Variants in OXR1 observed in about 807,000 individuals in gnomAD.
The protein encoded by OXR1 is oxidation resistance 1, also known as oxidation resistance protein 1.
Under a neutral mutation model 104.6 loss-of-function variants are expected in OXR1, and 41 were observed. The ratio of observed to expected loss-of-function variants is 0.39; its 90% CI spans 0.31 to 0.51. OXR1 has a LOEUF of 0.51. Ranked by LOEUF, OXR1 falls within the 20% of genes least tolerant of loss-of-function variation. The pLI is 0.77. For missense variants in OXR1, 955 were observed against 1,031.9 expected (o/e 0.93, Z 1.02); for synonymous variants, 348 against 348.4 (o/e 1.00, Z 0.01).
intron 3 of OXR1, among the ~76,000 whole-genome samples, chr8:106,671,330 C>A (rs186393716): frequency 2.0e-5 from 3 of 152,058 alleles, no homozygotes; most frequent in African/African-American, 7.2e-5. Flanking sequence ...CCCAGAGATA[C>A]AATAATAATC....
chr8:106,482,754 A>C (rs1203885047), intron 2 of OXR1, among the ~76,000 whole-genome samples: 5 of 151,960 alleles, frequency 3.3e-5, no homozygotes. Context: ...ATTTCTTTTC[A>C]CTCATTTTGA....
At chr8:106,608,393 A>G (rs1375800364) in intron 3 of OXR1, among the ~76,000 whole-genome samples, 1 of 152,108 alleles carries the variant, frequency 6.6e-6, no homozygotes, top group African/African-American at 2.4e-5. Context: ...AAATCTTTCA[A>G]TGGCCTAATG....
chr8:106,464,008 G>A (rs1349074362), intron 2 of OXR1, among the ~76,000 whole-genome samples: 1 of 151,816 alleles, frequency 6.6e-6, no homozygotes, highest in Non-Finnish European at 1.5e-5. Flanking sequence ...TAGTTATAGG[G>A]TCTCATCTAT....
chr8:106,735,791 TG>T, intron 11 of OXR1, among the ~76,000 whole-genome samples: 1 of 152,262 alleles, frequency 6.6e-6, no homozygotes, highest in South Asian at 2.1e-4. Flanking sequence ...GAAATCCTAT[TG>T]TTCTTAATTG....
At chr8:106,352,777 G>GTAGA (rs893177163) in intron 1 of OXR1, among the ~76,000 whole-genome samples, 1 of 152,176 alleles carries the variant, frequency 6.6e-6, no homozygotes, top group African/African-American at 2.4e-5. Context: ...TCAAAGCCAA[G>GTAGA]TAGATAGATA....
intron 3 of OXR1, among the ~76,000 whole-genome samples, chr8:106,540,921 G>A (rs1814910269): frequency 6.6e-6 from 1 of 152,178 alleles, no homozygotes; most frequent in African/African-American, 2.4e-5. Context: ...CCATGACACA[G>A]TGGGAATTGT....
chr8:106,350,211 A>G (rs1815667028), intron 1 of OXR1, among the ~76,000 whole-genome samples: 1 of 152,200 alleles, frequency 6.6e-6, no homozygotes, highest in South Asian at 2.1e-4. Context: ...GCACAGGGAC[A>G]AAAGTTGTCT....
At chr8:106,464,267 A>G (rs918191005) in intron 2 of OXR1, among the ~76,000 whole-genome samples, 1 of 151,800 alleles carries the variant, frequency 6.6e-6, no homozygotes, top group Non-Finnish European at 1.5e-5. Context: ...TCCTCAAAAC[A>G]TCTTGTGATG....
intron 2 of OXR1, among the ~76,000 whole-genome samples, chr8:106,469,281 G>A (rs72678598): frequency 5.3e-5 from 8 of 151,650 alleles, no homozygotes; most frequent in Admixed American, 2.0e-4. Context: ...TCCACTTTAC[G>A]TAATTTCCCA....
chr8:106,398,661 C>A (rs757108051), intron 2 of OXR1, among the ~76,000 whole-genome samples: 9 of 152,104 alleles, frequency 5.9e-5, no homozygotes, highest in Non-Finnish European at 1.2e-4. Context: ...GGTCCAGATG[C>A]CTTCTTTAAC....
At chr8:106,473,638 G>A (rs1821638223) in intron 2 of OXR1, among the ~76,000 whole-genome samples, 2 of 151,736 alleles carry the variant, frequency 1.3e-5, no homozygotes, top group African/African-American at 2.4e-5. Context: ...AAATCTATAG[G>A]ATGAAAAAAC....
intron 2 of OXR1, among the ~76,000 whole-genome samples, chr8:106,486,546 C>T (rs956198506): frequency 6.6e-6 from 1 of 151,938 alleles, no homozygotes; most frequent in African/African-American, 2.4e-5. Context: ...AAATACTGGT[C>T]GTTTTGTGAA....
chr8:106,563,630 C>T (rs1222089660), intron 3 of OXR1, among the ~76,000 whole-genome samples: 1 of 152,112 alleles, frequency 6.6e-6, no homozygotes, highest in Non-Finnish European at 1.5e-5. Context: ...AGCTCTAGAC[C>T]AAGCAGACCT....
chr8:106,285,317 A>AT (rs1812451404), intron 1 of OXR1, among the ~76,000 whole-genome samples: 1 of 152,132 alleles, frequency 6.6e-6, no homozygotes, highest in African/African-American at 2.4e-5. Context: ...TCATGCTTAT[A>AT]TTTTTTTAAA....
intron 3 of OXR1, among the ~76,000 whole-genome samples, chr8:106,665,608 G>A (rs543041383): frequency 1.3e-5 from 2 of 152,272 alleles, no homozygotes; most frequent in East Asian, 3.9e-4. Flanking sequence ...ACAAGGGAAA[G>A]TAGGTTTTTA....
intron 3 of OXR1, among the ~76,000 whole-genome samples, chr8:106,545,527 A>G (rs1563595188): frequency 6.6e-6 from 1 of 152,246 alleles, no homozygotes; most frequent in Non-Finnish European, 1.5e-5. Flanking sequence ...TTCCAGACAC[A>G]CAAGCATACT....
intron 2 of OXR1, among the ~76,000 whole-genome samples, chr8:106,393,080 A>G (rs1488286517): frequency 6.6e-6 from 1 of 152,168 alleles, no homozygotes; most frequent in South Asian, 2.1e-4. Flanking sequence ...TCACAGCTCC[A>G]TATGGTTTCT....
chr8:106,353,065 G>T (rs780004243), intron 1 of OXR1, among the ~76,000 whole-genome samples: 39 of 152,130 alleles, frequency 2.6e-4, no homozygotes, highest in Non-Finnish European at 1.5e-5. Flanking sequence ...TTTAACTATG[G>T]GCTAGGCATG....
chr8:106,374,899 G>A lies in OXR1; in HGVS notation c.23+15263G>A, dbSNP rs368524238. On this transcript the variant is annotated intron_variant, in intron 2 of 16. Coordinates refer to ENST00000517566, the MANE Select transcript of OXR1 (RefSeq NM_001198533.2). The stretch of plus-strand genomic sequence containing the variant: ...TATTATTGTTCCAGATGGTTTTTCA[G>A]CGTTGTGCACACTAGCCTCATAGAC... Among the ~76,000 whole-genome samples the A allele has an allele frequency of 1.4e-4, 22 of 152,286 alleles. 1 individual carries two copies. The East Asian group carries it at 2.1e-3, about 15-fold the overall frequency.
Sources: gnomAD v4.1 joint callset for allele counts (sites outside exome capture counted in the v4.1 genomes callset) on GRCh38, gnomAD v4.1.1 for gene constraint, MANE v1.5 for transcripts, NCBI Gene and HGNC (gene_info 2026-07-23, HGNC 2026-07-21) for gene names.